Variants in CLPB observed in about 807,000 individuals in gnomAD.
CLPB encodes the protein ClpB family mitochondrial disaggregase.
A neutral mutation model predicts 78.4 loss-of-function variants in CLPB; 40 were observed. That is an observed-to-expected ratio of 0.51 (90% CI 0.40 to 0.66). The LOEUF (loss-of-function observed/expected upper bound fraction) is 0.66, where lower values mean the gene tolerates loss of function less well. Ranked by LOEUF, CLPB falls within the 30% of genes least tolerant of loss-of-function variation. CLPB has a pLI of 0.00. For synonymous variants in CLPB, 333 were observed against 348.0 expected (o/e 0.96, Z 0.48); for missense variants, 780 against 886.9 (o/e 0.88, Z 1.53).
At chr11:72,338,086 T>A (rs765548428) in intron 5 of CLPB, among the ~76,000 whole-genome samples, 1 of 152,204 alleles carries the variant, frequency 6.6e-6, no homozygotes, top group Non-Finnish European at 1.5e-5. Flanking sequence ...CATTCCACTG[T>A]ATGGAATCAG....
At chr11:72,393,728 T>C (rs565244437) in intron 3 of CLPB, among the ~76,000 whole-genome samples, 2 of 152,324 alleles carry the variant, frequency 1.3e-5, no homozygotes, top group African/African-American at 4.8e-5. Context: ...AGACAACATA[T>C]TGGGTTTTTA....
chr11:72,352,996 T>G (rs1363966555), intron 5 of CLPB: 1 of 152,092 alleles, frequency 6.6e-6, no homozygotes, highest in Non-Finnish European at 1.5e-5. Context: ...TGAATCAGAG[T>G]GTGGAGCTTC....
chr11:72,431,884 G>A (rs2135173209), intron 1 of CLPB, among the ~76,000 whole-genome samples: 1 of 152,150 alleles, frequency 6.6e-6, no homozygotes, highest in East Asian at 1.9e-4. Context: ...TCACGGCTTT[G>A]ACCATTATCT....
chr11:72,358,055 C>T (rs1034407350), intron 5 of CLPB, among the ~76,000 whole-genome samples: 5 of 152,166 alleles, frequency 3.3e-5, no homozygotes, highest in African/African-American at 1.2e-4. Flanking sequence ...CAAGGAGAGG[C>T]AGGAGTGGGA....
At chr11:72,341,220 T>C (rs1950414908) in intron 5 of CLPB, among the ~76,000 whole-genome samples, 1 of 152,162 alleles carries the variant, frequency 6.6e-6, no homozygotes, top group African/African-American at 2.4e-5. Context: ...TTACTAACCA[T>C]TCCTTCCTAC....
chr11:72,434,197 C>G lies in CLPB; in HGVS notation c.278G>C (p.Gly93Ala), dbSNP rs1333709479. The G allele has an allele frequency of 8.1e-6, 13 of 1,613,386 alleles. No individual in the cohort carries two copies. Among genetic ancestry groups the G allele is most frequent in the Non-Finnish European group, 1.0e-5 (12 of 1,179,992 alleles). ...LAAATWGRLP[G>A]PEETLPGQDS... is the part of the protein sequence containing the mutation. ...CTGTCCTGGGAGTGTTTCTTCGGGA[C>G]CAGGAAGGCGTCCCCAAGTGGCAGC... Residue 93 changes from glycine to alanine, a missense_variant, in exon 1 of 16, where the codon GGT becomes GCT. Coordinates refer to ENST00000538039, the MANE Select transcript of CLPB (RefSeq NM_001258392.3).
At chr11:72,304,780 T>G (rs1949716914) in intron 9 of CLPB, among the ~76,000 whole-genome samples, 1 of 152,216 alleles carries the variant, frequency 6.6e-6, no homozygotes, top group Admixed American at 6.5e-5. Flanking sequence ...CCAGTGCTCA[T>G]TTCATTTCGT....
In CLPB at chr11:72,293,561, G is replaced by C. The variant is rs1331493457; in HGVS notation, c.1840C>G (p.Pro614Ala). The C allele has an allele frequency of 1.9e-6, 3 of 1,613,926 alleles. No homozygotes were observed. Among genetic ancestry groups the C allele is most frequent in the Non-Finnish European group, 2.5e-6 (3 of 1,179,988 alleles). Residue 614 changes from proline (P) to alanine (A), a missense_variant, in exon 16 of 16, where the codon CCA (proline) becomes GCA (alanine). This residue lies in a region of CLPB where 272 missense variants were observed against 304.0 expected (regional missense o/e 0.89). Transcript: ENST00000538039. ...GTGATGCGCAAAGTACAGCCCCCTG[G>C]CAGCAGGTCCTGCTCATAGGCTGCT... ...LAAAYEQDLL[P>A]GGCTLRITVE...
chr11:72,392,571 C>T (rs1021093874), intron 3 of CLPB, among the ~76,000 whole-genome samples: 11 of 151,960 alleles, frequency 7.2e-5, no homozygotes, highest in African/African-American at 2.7e-4. Context: ...GAAAATGTGC[C>T]CCAGTTTCCT....
chr11:72,372,962 G>A (rs1326381793), intron 4 of CLPB: 2 of 1,614,098 alleles, frequency 1.2e-6, no homozygotes, highest in Non-Finnish European at 1.7e-6. Flanking sequence ...TGAACTCCAG[G>A]GCACTTGTCC....
chr11:72,403,827 A>G (rs1225492229), intron 2 of CLPB, among the ~76,000 whole-genome samples: 1 of 152,232 alleles, frequency 6.6e-6, no homozygotes, highest in Non-Finnish European at 1.5e-5. Context: ...AAAAGTCTGA[A>G]TTTTTGCTCC....
intron 5 of CLPB, among the ~76,000 whole-genome samples, chr11:72,341,339 A>G (rs1204603544): frequency 6.6e-6 from 1 of 152,202 alleles, no homozygotes; most frequent in East Asian, 1.9e-4. Flanking sequence ...CACCAGCAGC[A>G]GAATCAGAGG....
In CLPB at chr11:72,305,201, T is replaced by C. The variant is rs78835590; in HGVS notation, c.1122+1998A>G. On this transcript the variant is annotated intron_variant, in intron 9 of 15. Transcript: ENST00000538039. ...AGAACAACGGTATCACAGTGAGGAG[T>C]TGAGAGACTGGATTGATTCTGGTTT... 1.3e-4 allele frequency among the ~76,000 whole-genome samples: 19 copies of C among 151,972 alleles called. No homozygotes were observed. The East Asian group carries it at 1.7e-3, about 14-fold the overall frequency.
At position 72,286,045 on chromosome 11, in the gene CLPB, C is replaced by T. The variant is rs1218296333; in HGVS notation, c.*7322G>A. On this transcript the variant is annotated 3_prime_UTR_variant, in exon 16 of 16. Coordinates refer to ENST00000538039, the MANE Select transcript of CLPB (RefSeq NM_001258392.3). ...CTCCTGAGCTCCAGTTATATTCCCA[C>T]CTCAGCCTCCCAAGTAGCTGAGACC... 2.6e-5 allele frequency: 4 copies of T among 151,218 alleles called. No homozygotes were observed. Among genetic ancestry groups the T allele is most frequent in the Admixed American group, 6.6e-5 (1 of 15,176 alleles). The allele number at this position is 151,218 out of a possible 1,614,324, so 9.4% of individuals were successfully genotyped here.
chr11:72,373,157 C>T (rs1306324337), intron 4 of CLPB: 1 of 631,400 alleles, frequency 1.6e-6, no homozygotes, highest in Non-Finnish European at 2.8e-6. Flanking sequence ...CAGCTTCTGC[C>T]CCACTCATCT....
At chr11:72,413,117 C>A (rs1565091829) in intron 2 of CLPB, among the ~76,000 whole-genome samples, 1 of 151,928 alleles carries the variant, frequency 6.6e-6, no homozygotes, top group Non-Finnish European at 1.5e-5. Context: ...GGAGAAACCC[C>A]GTCTCTACTA....
At chr11:72,415,640 C>T (rs565565617) in intron 2 of CLPB, among the ~76,000 whole-genome samples, 1 of 152,286 alleles carries the variant, frequency 6.6e-6, no homozygotes, top group East Asian at 1.9e-4. Context: ...CTTAAAGTGT[C>T]CTTACCTTTA....
rs1438678741 is a variant in CLPB, at chr11:72,285,684, C to T, written c.*7683G>A. ...GAACAGGTAATACATTAATATGGTT[C>T]AAAGCTTACTAAAAAGTATTTAAAA... On this transcript the variant is annotated 3_prime_UTR_variant, in exon 16 of 16. Transcript: ENST00000538039. The T allele has an allele frequency of 1.3e-5, 2 of 152,004 alleles. No individual in the cohort carries two copies. The highest frequency in any genetic ancestry group is 2.9e-5 in the Non-Finnish European group (2 of 68,008). The allele number at this position is 152,004 out of a possible 1,614,324, so 9.4% of individuals were successfully genotyped here.
chr11:72,320,408 G>C (rs1317279846), intron 6 of CLPB, among the ~76,000 whole-genome samples: 1 of 152,184 alleles, frequency 6.6e-6, no homozygotes, highest in Non-Finnish European at 1.5e-5. Context: ...GAGGTGACAG[G>C]TGGGGTGGGG....
Sources: gnomAD v4.1 joint callset for allele counts (sites outside exome capture counted in the v4.1 genomes callset) on GRCh38, gnomAD v4.1.1 for gene constraint, gnomAD v4.1.1 regional missense constraint, MANE v1.5 for transcripts, NCBI Gene and HGNC (gene_info 2026-07-23, HGNC 2026-07-21) for gene names.